MYO3B: variants seen among roughly 807,000 people sequenced by gnomAD.
MYO3B encodes the protein myosin IIIB, also known as myosin-IIIb.
A neutral mutation model predicts 174.6 loss-of-function variants in MYO3B; 156 were observed. The ratio of observed to expected loss-of-function variants is 0.89; its 90% CI spans 0.78 to 1.02. The LOEUF (loss-of-function observed/expected upper bound fraction) is 1.02, where lower values mean the gene tolerates loss of function less well. MYO3B is among the 50% of genes least tolerant of loss of function. MYO3B has a pLI of 0.00. For missense variants in MYO3B, 1,632 were observed against 1,639.4 expected (o/e 1.00, Z 0.08); for synonymous variants, 563 against 569.1 (o/e 0.99, Z 0.15).
intron 9 of MYO3B, among the ~76,000 whole-genome samples, chr2:170,378,822 A>G (rs376351510): frequency 3.2e-4 from 49 of 152,348 alleles, no homozygotes; most frequent in East Asian, 1.5e-3. Flanking sequence ...GCATTTCTGT[A>G]TGCAGCTCAG....
At chr2:170,389,617 A>G (rs1188656264) in intron 14 of MYO3B, among the ~76,000 whole-genome samples, 2 of 152,216 alleles carry the variant, frequency 1.3e-5, no homozygotes, top group Non-Finnish European at 2.9e-5. Context: ...ATGGATCTGT[A>G]GAAAAACTAA....
rs2094392282 is a variant in MYO3B, at chr2:170,388,660, T to C, written c.1577+1352T>C. On this transcript the variant is annotated intron_variant, in intron 14 of 34. Coordinates refer to ENST00000408978, the MANE Select transcript of MYO3B (RefSeq NM_138995.5). ...GAATGGATTGGGGGAGATGCAAGGA[T>C]TGTGTTGACATGATTAGGAGGCTGT... Among the ~76,000 whole-genome samples the C allele has an allele frequency of 2.0e-5, 3 of 152,062 alleles. No homozygotes were observed. The South Asian group carries it at 6.2e-4, about 32-fold the overall frequency.
At chr2:170,378,515 T>C (rs1996534) in intron 9 of MYO3B, among the ~76,000 whole-genome samples, 57,207 of 152,074 alleles carry the variant, frequency 0.38, 11,082 homozygotes, top group Admixed American at 0.45. Flanking sequence ...TAAAAAGTTA[T>C]TTTTTGTTAA....
chr2:170,480,771 G>A (rs1685639618), intron 25 of MYO3B, among the ~76,000 whole-genome samples: 1 of 152,138 alleles, frequency 6.6e-6, no homozygotes, highest in African/African-American at 2.4e-5. Context: ...CTTGTGGTGG[G>A]GAAAAACTCA....
chr2:170,514,985 C>T lies in MYO3B; in HGVS notation c.3435C>T (p.Ala1145=), dbSNP rs767874173. The T allele has an allele frequency of 3.2e-5, 52 of 1,613,764 alleles. No homozygotes were observed. The highest frequency in any genetic ancestry group is 4.0e-5 in the African/African-American group (3 of 74,858). ...SPVAAGTRGS[A]EVQDCSEPGD... ...TCGCAGCAGGTACGAGGGGAAGTGC[C>T]GAGGTTCAAGACTGCAGCGAGCCTG... is the stretch of plus-strand genomic sequence containing the variant. The change falls in exon 29 of 35, where the codon GCC becomes GCT. Residue 1145 remains alanine, a synonymous_variant. Transcript: ENST00000408978.
chr2:170,434,395 ACC>A (rs2094735382), intron 22 of MYO3B, among the ~76,000 whole-genome samples: 1 of 152,154 alleles, frequency 6.6e-6, no homozygotes, highest in African/African-American at 2.4e-5. Flanking sequence ...AGAAGGGTTC[ACC>A]CTTACAGATG....
At chr2:170,471,479 A>G (rs550413435) in intron 25 of MYO3B, among the ~76,000 whole-genome samples, 52 of 152,242 alleles carry the variant, frequency 3.4e-4, no homozygotes, top group African/African-American at 1.2e-3. Context: ...ATCTAATCCA[A>G]TGTGACAAAG....
chr2:170,556,315 G>A (rs971323588), intron 32 of MYO3B, among the ~76,000 whole-genome samples: 6 of 152,148 alleles, frequency 3.9e-5, no homozygotes, highest in African/African-American at 1.4e-4. Context: ...TCAGGTTTTG[G>A]TGTGGATGTA....
At chr2:170,253,317 T>C (rs2093273088) in intron 7 of MYO3B, among the ~76,000 whole-genome samples, 1 of 152,308 alleles carries the variant, frequency 6.6e-6, no homozygotes, top group African/African-American at 2.4e-5. Context: ...GAGGACTTAC[T>C]GAAAATCTCA....
intron 17 of MYO3B, among the ~76,000 whole-genome samples, chr2:170,400,886 A>G (rs2094471863): frequency 6.6e-6 from 1 of 151,114 alleles, no homozygotes; most frequent in Non-Finnish European, 1.5e-5. Context: ...ACTGGAGTGC[A>G]GTGGCGCTAT....
intron 7 of MYO3B, among the ~76,000 whole-genome samples, chr2:170,252,667 A>G (rs952565304): frequency 6.6e-6 from 1 of 152,214 alleles, no homozygotes; most frequent in African/African-American, 2.4e-5. Flanking sequence ...ATGCTAGGTG[A>G]CAATATGTCC....
At chr2:170,212,636 GA>G (rs11331154) in intron 3 of MYO3B, among the ~76,000 whole-genome samples, 80,948 of 151,764 alleles carry the variant, frequency 0.53, 21,595 homozygotes, top group Admixed American at 0.61. Flanking sequence ...GGGAGAAAAG[GA>G]AAAAAAAGAA....
At chr2:170,503,582 C>T (rs192952978) in intron 28 of MYO3B, among the ~76,000 whole-genome samples, 1 of 149,090 alleles carries the variant, frequency 6.7e-6, no homozygotes, top group African/African-American at 2.5e-5. Context: ...CATTAAGGTG[C>T]CTTCCTTTTT....
In MYO3B at chr2:170,392,373, T is replaced by C; in HGVS notation, c.1677-8T>C. On this transcript the variant is annotated splice_polypyrimidine_tract_variant and splice_region_variant and intron_variant, in intron 15 of 34. Transcript: ENST00000408978. ...TCATTCTGTTTGGTCATGCTCCACT[T>C]CATTTAGGTACATAGCTGATGAAAC... 1 of 1,573,804 alleles carries C rather than the reference T, an allele frequency of 6.4e-7. No homozygotes were observed. Among genetic ancestry groups the C allele is most frequent in the Non-Finnish European group, 8.7e-7 (1 of 1,153,172 alleles).
At chr2:170,470,710 A>G (rs1012677302) in intron 25 of MYO3B, among the ~76,000 whole-genome samples, 2 of 151,954 alleles carry the variant, frequency 1.3e-5, no homozygotes, top group African/African-American at 4.8e-5. Flanking sequence ...GAGAGTCCCA[A>G]TTTTTCCACA....
At chr2:170,556,220 T>C (rs1016561094) in intron 32 of MYO3B, among the ~76,000 whole-genome samples, 4 of 152,038 alleles carry the variant, frequency 2.6e-5, no homozygotes, top group African/African-American at 9.7e-5. Flanking sequence ...GATTCCTTCA[T>C]GTCTTGTCAT....
intron 22 of MYO3B, among the ~76,000 whole-genome samples, chr2:170,417,058 T>C (rs1025413536): frequency 6.6e-6 from 1 of 152,054 alleles, no homozygotes; most frequent in Non-Finnish European, 1.5e-5. Context: ...TCTCCTGACC[T>C]CGTGATCTGC....
chr2:170,538,355 G>C (rs1449554158), intron 30 of MYO3B, among the ~76,000 whole-genome samples: 1 of 152,184 alleles, frequency 6.6e-6, no homozygotes, highest in Admixed American at 6.5e-5. Context: ...TTTGAGATTG[G>C]TTATTGCAAC....
intron 25 of MYO3B, among the ~76,000 whole-genome samples, chr2:170,483,766 G>C (rs1685853605): frequency 6.6e-6 from 1 of 152,188 alleles, no homozygotes; most frequent in Non-Finnish European, 1.5e-5. Flanking sequence ...AAGAGAATGT[G>C]AGGAAACCTC....
Sources: gnomAD v4.1 joint callset for allele counts (sites outside exome capture counted in the v4.1 genomes callset) on GRCh38, gnomAD v4.1.1 for gene constraint, MANE v1.5 for transcripts, NCBI Gene and HGNC (gene_info 2026-07-23, HGNC 2026-07-21) for gene names.